Variants in CACNB2 observed in about 807,000 individuals in gnomAD.
CACNB2 encodes the protein calcium voltage-gated channel auxiliary subunit beta 2.
In CACNB2, 42 loss-of-function variants were observed where a neutral mutation model predicts 73.3. The observed-to-expected ratio is 0.57, with a 90% CI of 0.45 to 0.74. The LOEUF is 0.74. CACNB2 is among the 30% of genes least tolerant of loss of function. The probability of loss-of-function intolerance (pLI) is 0.00; values close to 1 mark genes in which losing one functional copy is unlikely to be tolerated. For missense variants in CACNB2, 940 were observed against 853.0 expected (o/e 1.10, Z -1.27); for synonymous variants, 348 against 310.3 (o/e 1.12, Z -1.28).
chr10:18,187,721 G>C (rs1217840739), intron 2 of CACNB2, among the ~76,000 whole-genome samples: 1 of 152,164 alleles, frequency 6.6e-6, no homozygotes, highest in Non-Finnish European at 1.5e-5. Flanking sequence ...GTTTCAAGCT[G>C]TTCTTCTAGT....
intron 2 of CACNB2, among the ~76,000 whole-genome samples, chr10:18,360,255 C>T (rs2042090445): frequency 6.6e-6 from 1 of 152,178 alleles, no homozygotes; most frequent in African/African-American, 2.4e-5. Context: ...GACAGAGTCT[C>T]ACTCTGTTGC....
intron 2 of CACNB2, among the ~76,000 whole-genome samples, chr10:18,274,143 T>C (rs563215398): frequency 6.6e-6 from 1 of 152,312 alleles, no homozygotes; most frequent in African/African-American, 2.4e-5. Flanking sequence ...GTGAAGCCTG[T>C]TGGCAACTTC....
chr10:18,351,173 T>C (rs535118907), intron 2 of CACNB2, among the ~76,000 whole-genome samples: 15 of 151,450 alleles, frequency 9.9e-5, no homozygotes, highest in Non-Finnish European at 1.6e-4. Flanking sequence ...TCTTTTTTGC[T>C]AAAATGTGTA....
intron 2 of CACNB2, among the ~76,000 whole-genome samples, chr10:18,220,201 GTATATA>G (rs773942256): frequency 0.018 from 414 of 23,262 alleles, 25 homozygotes; most frequent in African/African-American, 0.051. Context: ...ATATGTGTGT[GTATATA>G]TATATATATA....
At position 18,153,563 on chromosome 10, in the gene CACNB2, CTTATTTAT is replaced by C. The variant is rs57218845; in HGVS notation, c.213+2615_213+2622del. ...GTGACAATGGGCACACTAGATTTTACTTATTTATTTATTTATTTATTTATTTATTTATT... is the reference window on the plus strand; with the variant it reads ...GTGACAATGGGCACACTAGATTTTACTTATTTATTTATTTATTTATTTATT... On this transcript the variant is annotated intron_variant, in intron 2 of 13. Coordinates refer to ENST00000324631, the MANE Select transcript of CACNB2 (RefSeq NM_201596.3). 3.2e-3 allele frequency among the ~76,000 whole-genome samples: 457 copies of C among 142,742 alleles called. 3 individuals carry two copies. The highest frequency in any genetic ancestry group is 0.011 in the African/African-American group (412 of 37,768). 93.6% of individuals were successfully genotyped at this position (142,742 alleles called of 152,430 possible).
chr10:18,306,262 T>G (rs1182321573), intron 2 of CACNB2, among the ~76,000 whole-genome samples: 1 of 152,026 alleles, frequency 6.6e-6, no homozygotes, highest in Non-Finnish European at 1.5e-5. Flanking sequence ...ATGGCCACAA[T>G]CACTTGAGGA....
intron 2 of CACNB2, among the ~76,000 whole-genome samples, chr10:18,297,429 A>G (rs1461256930): frequency 6.6e-6 from 1 of 152,102 alleles, no homozygotes; most frequent in Non-Finnish European, 1.5e-5. Context: ...TGGTGGCTGT[A>G]TGCCTGTAGT....
intron 2 of CACNB2, among the ~76,000 whole-genome samples, chr10:18,335,148 G>A (rs56346888): frequency 0.088 from 13,338 of 151,038 alleles, 714 homozygotes; most frequent in Non-Finnish European, 0.12. Context: ...AAAAAATACC[G>A]TTGGATATGG....
intron 2 of CACNB2, among the ~76,000 whole-genome samples, chr10:18,349,610 T>C (rs2041619378): frequency 6.6e-6 from 1 of 151,832 alleles, no homozygotes; most frequent in South Asian, 2.1e-4. Context: ...ACCCCACTTA[T>C]ATAAGGGACC....
chr10:18,179,137 T>C (rs1291675507), intron 2 of CACNB2, among the ~76,000 whole-genome samples: 2 of 152,224 alleles, frequency 1.3e-5, no homozygotes, highest in African/African-American at 4.8e-5. Context: ...CTAAACACTA[T>C]AAAATAAATG....
chr10:18,508,851 T>TTGCCAACCA (rs1443539205), intron 6 of CACNB2, among the ~76,000 whole-genome samples: 6 of 152,188 alleles, frequency 3.9e-5, no homozygotes, highest in Non-Finnish European at 7.3e-5. Context: ...GTTGAACCAG[T>TTGCCAACCA]GTATGTCAAG....
At chr10:18,219,894 C>T (rs374923764) in intron 2 of CACNB2, among the ~76,000 whole-genome samples, 123 of 150,650 alleles carry the variant, frequency 8.2e-4, no homozygotes, top group African/African-American at 2.6e-3. Flanking sequence ...TCAAGCTTCC[C>T]GAGTAGCTGG....
intron 2 of CACNB2, among the ~76,000 whole-genome samples, chr10:18,182,821 CA>C (rs66540356): frequency 0.3 from 35,112 of 117,494 alleles, 3,966 homozygotes; most frequent in East Asian, 0.47. Context: ...GACTCTGTCT[CA>C]AAAAAAAAAA....
At chr10:18,332,781 A>G (rs1013482064) in intron 2 of CACNB2, among the ~76,000 whole-genome samples, 12 of 152,386 alleles carry the variant, frequency 7.9e-5, no homozygotes, top group African/African-American at 2.9e-4. Flanking sequence ...AACATTATAC[A>G]TAATACATTG....
intron 2 of CACNB2, chr10:18,224,406 G>A (rs1182382508): frequency 5.9e-5 from 9 of 151,762 alleles, no homozygotes; most frequent in Admixed American, 4.6e-4. Flanking sequence ...ATTTTGGGAA[G>A]TGAGTTTCAT....
chr10:18,536,310 G>A, intron 12 of CACNB2, 114 bp downstream of exon 12: 1 of 625,698 alleles, frequency 1.6e-6, no homozygotes, highest in Middle Eastern at 3.8e-4. Flanking sequence ...CATGTTGGGA[G>A]TGCAGTGGTA....
intron 2 of CACNB2, among the ~76,000 whole-genome samples, chr10:18,329,824 T>C (rs1310535506): frequency 6.6e-6 from 1 of 152,152 alleles, no homozygotes; most frequent in African/African-American, 2.4e-5. Flanking sequence ...GATTTATGTT[T>C]TCTTGTTGTT....
chr10:18,456,234 G>T (rs1391578776), intron 3 of CACNB2, among the ~76,000 whole-genome samples: 2 of 152,094 alleles, frequency 1.3e-5, no homozygotes, highest in Admixed American at 1.3e-4. Context: ...ACTTTGGGAG[G>T]CTGAGGCGGG....
intron 3 of CACNB2, among the ~76,000 whole-genome samples, chr10:18,414,129 C>A (rs1171295472): frequency 6.6e-6 from 1 of 152,248 alleles, no homozygotes; most frequent in Non-Finnish European, 1.5e-5. Flanking sequence ...CTTGCTTGAT[C>A]TCACAGCAGT....
Sources: gnomAD v4.1 joint callset for allele counts (sites outside exome capture counted in the v4.1 genomes callset) on GRCh38, gnomAD v4.1.1 for gene constraint, MANE v1.5 for transcripts, NCBI Gene and HGNC (gene_info 2026-07-23, HGNC 2026-07-21) for gene names.